The following CDH3 variants were observed in gnomAD, a reference collection of about 807,000 sequenced individuals.
The protein encoded by CDH3 is cadherin-3.
CDH3 carries 54 observed loss-of-function variants against 82.0 expected under a neutral mutation model. The observed-to-expected ratio is 0.66, with a 90% CI of 0.53 to 0.83. The LOEUF (loss-of-function observed/expected upper bound fraction) is 0.83. CDH3 is among the 40% of genes least tolerant of loss of function. The probability of loss-of-function intolerance (pLI) is 0.00; values close to 1 mark genes in which losing one functional copy is unlikely to be tolerated. For synonymous variants in CDH3, 446 were observed against 437.9 expected (o/e 1.02, Z -0.23); for missense variants, 1,054 against 1,084.6 (o/e 0.97, Z 0.40).
chr16:68,730,421 G>A (rs552152859), downstream of CDH3, among the ~76,000 whole-genome samples: 1 of 152,188 alleles, frequency 6.6e-6, no homozygotes, highest in Non-Finnish European at 1.5e-5. Flanking sequence ...AGCTACTCAG[G>A]AGGCTGAGGC....
downstream of CDH3, among the ~76,000 whole-genome samples, chr16:68,702,396 G>A (rs113497498): frequency 6.6e-5 from 10 of 152,288 alleles, no homozygotes; most frequent in African/African-American, 2.2e-4. Flanking sequence ...CTACGGTGGG[G>A]TCGGGGGCAG....
intron 11 of CDH3, among the ~76,000 whole-genome samples, chr16:68,686,194 C>T (rs1210701621): frequency 6.6e-6 from 1 of 152,232 alleles, no homozygotes; most frequent in Non-Finnish European, 1.5e-5. Context: ...CCTCCCAGTT[C>T]CCGCATCAGT....
At chr16:68,647,689 G>T (rs1350584009) in intron 2 of CDH3, among the ~76,000 whole-genome samples, 3 of 152,120 alleles carry the variant, frequency 2.0e-5, no homozygotes, top group Non-Finnish European at 4.4e-5. Flanking sequence ...TCTTGGTCCA[G>T]TTGGTCCCAA....
chr16:68,691,960 T>C (rs1288370928), intron 13 of CDH3, 34 bp downstream of exon 13: 48 of 1,554,514 alleles, frequency 3.1e-5, no homozygotes, highest in Non-Finnish European at 4.1e-5. Context: ...TCCCTGAGGA[T>C]GGGGGAGTTG....
intron 2 of CDH3, among the ~76,000 whole-genome samples, chr16:68,674,593 G>A (rs578242216): frequency 6.6e-6 from 1 of 152,068 alleles, no homozygotes; most frequent in Admixed American, 6.6e-5. Context: ...AAATTAGCCG[G>A]GTATGGTGGC....
intron 2 of CDH3, among the ~76,000 whole-genome samples, chr16:68,646,828 C>G (rs764710856): frequency 1.3e-5 from 2 of 152,294 alleles, no homozygotes; most frequent in South Asian, 4.1e-4. Flanking sequence ...ACCTAGCATT[C>G]TTCTAAAGTC....
intron 2 of CDH3, among the ~76,000 whole-genome samples, chr16:68,665,255 A>C (rs1385627411): frequency 6.6e-6 from 1 of 151,880 alleles, no homozygotes; most frequent in South Asian, 2.1e-4. Context: ...AAAGATACAA[A>C]AAATTAGCCG....
intron 10 of CDH3, 92 bp from the exon 11 acceptor site, chr16:68,685,113 G>T: frequency 6.9e-7 from 1 of 1,452,784 alleles, no homozygotes. Context: ...GGAGCCCAGA[G>T]GCCATCTGCC....
intron 11 of CDH3, among the ~76,000 whole-genome samples, chr16:68,685,719 A>G (rs535187273): frequency 6.6e-6 from 1 of 152,360 alleles, no homozygotes; most frequent in East Asian, 1.9e-4. Context: ...AGGCAGAAGA[A>G]TCACTTGAAC....
chr16:68,702,516 C>T (rs923535475), downstream of CDH3, among the ~76,000 whole-genome samples: 3 of 152,088 alleles, frequency 2.0e-5, no homozygotes, highest in African/African-American at 7.2e-5. Context: ...ATTAAGTGAT[C>T]TTTTCTCCCA....
At chr16:68,678,732 G>A (rs771441605) in intron 5 of CDH3, 30 bp from the exon 6 acceptor site, 23 of 1,614,006 alleles carry the variant, frequency 1.4e-5, no homozygotes, top group African/African-American at 2.7e-5. Flanking sequence ...GGGTGGCACC[G>A]GGCTGACCCC....
At chr16:68,731,084 A>G (rs867386377), downstream of CDH3, among the ~76,000 whole-genome samples, 7 of 127,230 alleles carry the variant, frequency 5.5e-5, 1 homozygote, top group Non-Finnish European at 1.1e-4. Flanking sequence ...ATATAATTAT[A>G]AAAATATATA....
At chr16:68,732,053 T>G (rs1053988388), downstream of CDH3, among the ~76,000 whole-genome samples, 1 of 150,120 alleles carries the variant, frequency 6.7e-6, no homozygotes, top group Non-Finnish European at 1.5e-5. Flanking sequence ...ATAAAACTGT[T>G]TTTTTTTTTT....
At chr16:68,717,499 G>A (rs201731943) in intron 1 of CDH3, among the ~76,000 whole-genome samples, 9 of 152,162 alleles carry the variant, frequency 5.9e-5, no homozygotes, top group East Asian at 5.8e-4. Context: ...CAGGCCGAGC[G>A]CGGTGGCTCA....
chr16:68,722,500 GT>G lies in CDH3; in HGVS notation c.177del (p.Pro60HisfsTer20), dbSNP rs1962175639. ...CTACAGTCTGGATCCAGCCTGGCCA[GT>G]TCCACCTTTCCCACCTACAACACCT... On this transcript the variant is annotated frameshift_variant, in exon 2 of 3. Transcript: ENST00000569080. LOFTEE classifies it high-confidence loss of function. 1 of 152,284 alleles carries G rather than the reference GT, an allele frequency of 6.6e-6. No homozygotes were observed. The highest frequency in any genetic ancestry group is 2.4e-5 in the African/African-American group (1 of 41,432). The allele number at this position is 152,284 out of a possible 1,614,324, so 9.4% of individuals were successfully genotyped here. A position where few individuals can be genotyped will look rare whatever the true frequency, so the allele number is the denominator to read the frequency against.
At chr16:68,662,638 G>A (rs544745872) in intron 2 of CDH3, among the ~76,000 whole-genome samples, 8 of 146,364 alleles carry the variant, frequency 5.5e-5, no homozygotes, top group East Asian at 4.1e-4. Flanking sequence ...CTCCACCTCC[G>A]GGTTCACACC....
intron 1 of CDH3, among the ~76,000 whole-genome samples, chr16:68,714,466 C>T (rs894598298): frequency 6.6e-6 from 1 of 152,190 alleles, no homozygotes; most frequent in Non-Finnish European, 1.5e-5. Context: ...CTACAAGCAG[C>T]TTAGTTCCTG....
intron 13 of CDH3, among the ~76,000 whole-genome samples, chr16:68,694,851 CATT>C (rs1961671135): frequency 1.3e-5 from 2 of 152,182 alleles, no homozygotes; most frequent in South Asian, 4.2e-4. Flanking sequence ...AGACTGACAG[CATT>C]ATGGGTGAGG....
intron 2 of CDH3, among the ~76,000 whole-genome samples, chr16:68,656,206 C>T (rs897727694): frequency 6.6e-6 from 1 of 151,852 alleles, no homozygotes; most frequent in Non-Finnish European, 1.5e-5. Flanking sequence ...CCCAGTTGTA[C>T]CAGTATGGAG....
Sources: gnomAD v4.1 joint callset for allele counts (sites outside exome capture counted in the v4.1 genomes callset) on GRCh38, gnomAD v4.1.1 for gene constraint, MANE v1.5 for transcripts, NCBI Gene and HGNC (gene_info 2026-07-23, HGNC 2026-07-21) for gene names.